Variants in TFDP2 observed in about 807,000 individuals in gnomAD.
TFDP2 encodes transcription factor Dp-2 (E2F dimerization partner 2).
Under a neutral mutation model 59.3 loss-of-function variants are expected in TFDP2, and 17 were observed. The ratio of observed to expected loss-of-function variants is 0.29; its 90% CI spans 0.20 to 0.43. The LOEUF is 0.43. TFDP2 is among the 20% of genes least tolerant of loss of function. The pLI is 1.00. For synonymous variants in TFDP2, 180 were observed against 194.7 expected (o/e 0.92, Z 0.63); for missense variants, 391 against 528.8 (o/e 0.74, Z 2.56).
chr3:141,957,174 G>T (rs375722168), intron 11 of TFDP2, among the ~76,000 whole-genome samples: 1 of 150,970 alleles, frequency 6.6e-6, no homozygotes, highest in Non-Finnish European at 1.5e-5. Context: ...AAAACTAACC[G>T]GGCATAGCGG....
chr3:142,127,451 C>T (rs9869592), intron 1 of TFDP2, among the ~76,000 whole-genome samples: 78,662 of 151,316 alleles, frequency 0.52, 20,860 homozygotes, highest in East Asian at 0.71. Flanking sequence ...GGATTACAGG[C>T]GTGCACCACT....
chr3:141,966,929 A>AAG (rs1358156878), intron 9 of TFDP2, among the ~76,000 whole-genome samples: 1 of 149,168 alleles, frequency 6.7e-6, no homozygotes, highest in African/African-American at 2.5e-5. Flanking sequence ...AAAAAAAAAA[A>AAG]AAAAAAAGAC....
In TFDP2 at chr3:141,950,367, G is replaced by A. The variant is rs897959565; in HGVS notation, c.*2146C>T. ...TTTCCCACCAACAGCACACACCTAT[G>A]GCTGGGGTGGCCAATGATGGGGCAC... is the stretch of plus-strand genomic sequence containing the variant. On this transcript the variant is annotated 3_prime_UTR_variant, in exon 13 of 13. Transcript: ENST00000489671. 14 of 152,210 alleles carry A rather than the reference G, an allele frequency of 9.2e-5. No homozygotes were observed. The highest frequency in any genetic ancestry group is 3.1e-4 in the African/African-American group (13 of 41,450). The allele number at this position is 152,210 out of a possible 1,614,324, so 9.4% of individuals were successfully genotyped here. A position where few individuals can be genotyped will look rare whatever the true frequency, so the allele number is the denominator to read the frequency against.
At chr3:142,099,529 C>T (rs2061260993) in intron 2 of TFDP2, among the ~76,000 whole-genome samples, 1 of 151,948 alleles carries the variant, frequency 6.6e-6, no homozygotes, top group African/African-American at 2.4e-5. Flanking sequence ...TGGAGAAACC[C>T]CGTCTCTACT....
chr3:141,972,549 C>T (rs1939922689), intron 8 of TFDP2, among the ~76,000 whole-genome samples: 1 of 152,200 alleles, frequency 6.6e-6, no homozygotes, highest in African/African-American at 2.4e-5. Context: ...TTTCTCATGC[C>T]TGTCTCAGCC....
At chr3:141,973,843 C>A (rs1437649209) in intron 8 of TFDP2, among the ~76,000 whole-genome samples, 9 of 152,056 alleles carry the variant, frequency 5.9e-5, no homozygotes, top group African/African-American at 1.2e-4. Flanking sequence ...ACTTTTATAT[C>A]CCTCAGTTTC....
Position 141,945,103 on chromosome 3 carries a change from C to G in TFDP2, c.*7410G>C, listed in dbSNP as rs1017782745. 6.6e-6 allele frequency: 1 copy of G among 152,192 alleles called. No homozygotes were observed. Among genetic ancestry groups the G allele is most frequent in the Non-Finnish European group, 1.5e-5 (1 of 68,100 alleles). The allele number at this position is 152,192 out of a possible 1,614,324, so 9.4% of individuals were successfully genotyped here. A position where few individuals can be genotyped will look rare whatever the true frequency, so the allele number is the denominator to read the frequency against. On this transcript the variant is annotated 3_prime_UTR_variant, in exon 13 of 13. Coordinates refer to ENST00000489671, the MANE Select transcript of TFDP2 (RefSeq NM_001178139.2). ...ATTTTCAGATGAAAAGGTGAACAAC[C>G]TAGTGGTTTGGGCTCATGGCCCTTT...
intron 1 of TFDP2, among the ~76,000 whole-genome samples, chr3:142,147,042 T>A (rs376543180): frequency 3.1e-5 from 4 of 127,760 alleles, no homozygotes; most frequent in African/African-American, 9.5e-5. Flanking sequence ...CTGAGCAACA[T>A]AGAGAAACCC....
chr3:142,026,004 C>A (rs1946051686), intron 3 of TFDP2, among the ~76,000 whole-genome samples: 1 of 152,150 alleles, frequency 6.6e-6, no homozygotes, highest in African/African-American at 2.4e-5. Flanking sequence ...ATTTGGTCAT[C>A]ATTATTTGAA....
chr3:141,969,149 TGA>T (rs1939181911), intron 9 of TFDP2, among the ~76,000 whole-genome samples: 2 of 88,464 alleles, frequency 2.3e-5, no homozygotes, highest in South Asian at 6.1e-4. Context: ...CCCATATATA[TGA>T]GATATATATA....
intron 1 of TFDP2, among the ~76,000 whole-genome samples, chr3:142,141,211 T>G (rs1413697882): frequency 2.0e-5 from 3 of 152,222 alleles, no homozygotes; most frequent in Non-Finnish European, 4.4e-5. Context: ...TGCCAGTTGC[T>G]AAGACCATGG....
Position 142,105,243 on chromosome 3 carries a change from A to G in TFDP2, c.-92-3402T>C, listed in dbSNP as rs1323774236. Among the ~76,000 whole-genome samples, 6 of 152,324 alleles carry G rather than the reference A, an allele frequency of 3.9e-5. No homozygotes were observed. In the East Asian group the frequency reaches 1.2e-3, roughly 29 times the overall value. ...ACATGTTACATTTTAGAAACACTCT[A>G]TATTTCCAAAGCAAATACTATTGCC... On this transcript the variant is annotated intron_variant, in intron 1 of 12. Transcript: ENST00000489671.
At chr3:142,028,986 A>G (rs1281402594) in intron 3 of TFDP2, 1 of 152,736 alleles carries the variant, frequency 6.5e-6, no homozygotes, top group Non-Finnish European at 1.5e-5. Flanking sequence ...ACAAGTTAAC[A>G]TTTTTCTAAA....
intron 3 of TFDP2, among the ~76,000 whole-genome samples, chr3:142,086,644 C>A (rs768945512): frequency 1.3e-5 from 2 of 152,164 alleles, no homozygotes; most frequent in Non-Finnish European, 2.9e-5. Flanking sequence ...TTGGGGTGTG[C>A]CACCCTCCTG....
In TFDP2 at chr3:142,005,440, C is replaced by T; in HGVS notation, c.186+1G>A. 6.3e-7 allele frequency: 1 copy of T among 1,588,746 alleles called. No homozygotes were observed. The highest frequency in any genetic ancestry group is 8.6e-7 in the Non-Finnish European group (1 of 1,162,342). ...ATTCTAAGATTTGATAATTTTCTTA[C>T]CATTTGGGGTCCAACATTCACATTT... On this transcript the variant is annotated splice_donor_variant, in intron 4 of 12. Transcript: ENST00000489671. LOFTEE classifies it high-confidence loss of function.
At chr3:141,988,673 T>C (rs7653747) in intron 6 of TFDP2, among the ~76,000 whole-genome samples, 8,699 of 146,736 alleles carry the variant, frequency 0.059, 816 homozygotes, top group African/African-American at 0.2. Flanking sequence ...TCTTTTCTTT[T>C]TTTTTTTTTT....
intron 8 of TFDP2, among the ~76,000 whole-genome samples, chr3:141,973,139 G>A (rs1940093525): frequency 9.0e-6 from 1 of 110,656 alleles, no homozygotes; most frequent in Non-Finnish European, 1.9e-5. Context: ...TTTTTTTAAA[G>A]ATGGAGTCTT....
chr3:142,125,049 T>G (rs2108708181), intron 1 of TFDP2, among the ~76,000 whole-genome samples: 1 of 152,220 alleles, frequency 6.6e-6, no homozygotes, highest in African/African-American at 2.4e-5. Flanking sequence ...AAAAAAATTT[T>G]TTTTAAATTA....
chr3:141,997,348 A>C (rs1207213699), intron 4 of TFDP2, among the ~76,000 whole-genome samples: 1 of 152,180 alleles, frequency 6.6e-6, no homozygotes, highest in Non-Finnish European at 1.5e-5. Context: ...ATTCTCTATC[A>C]TGCTGACCTT....
Sources: allele counts gnomAD v4.1 joint callset (sites outside exome capture counted in the v4.1 genomes callset), GRCh38; gene constraint gnomAD v4.1.1; transcripts MANE v1.5; gene names NCBI Gene and HGNC (gene_info 2026-07-23, HGNC 2026-07-21).